AGL: variants seen among roughly 807,000 people sequenced by gnomAD.
AGL encodes glycogen debranching enzyme.
In AGL, 128 loss-of-function variants were observed where a neutral mutation model predicts 199.3. That is an observed-to-expected ratio of 0.64 (90% CI 0.56 to 0.74). AGL has a LOEUF of 0.74. AGL is among the 30% of genes least tolerant of loss of function. The pLI is 0.00. For synonymous variants in AGL, 584 were observed against 594.7 expected (o/e 0.98, Z 0.26); for missense variants, 1,809 against 1,820.8 (o/e 0.99, Z 0.12).
chr1:99,918,209 C>T (rs115924617), intron 33 of AGL, among the ~76,000 whole-genome samples: 2,063 of 152,170 alleles, frequency 0.014, 22 homozygotes, highest in Non-Finnish European at 0.019. Context: ...AAGGTGGTTA[C>T]ATTGTTTTGA....
At chr1:99,910,906 G>T in intron 28 of AGL, 59 bp downstream of exon 28, 1 of 1,545,952 alleles carries the variant, frequency 6.5e-7, no homozygotes, top group Non-Finnish European at 8.9e-7. Flanking sequence ...GCACTTACTT[G>T]TGGAATCTTT....
At chr1:99,875,828 CT>C (rs1173837526) in intron 10 of AGL, among the ~76,000 whole-genome samples, 5 of 109,850 alleles carry the variant, frequency 4.6e-5, no homozygotes, top group Non-Finnish European at 8.4e-5. Flanking sequence ...TACTTAGAGT[CT>C]TTTTTAAAAA....
chr1:99,861,091 A>G (rs1571225311), intron 2 of AGL: 2 of 753,344 alleles, frequency 2.7e-6, no homozygotes, highest in Non-Finnish European at 3.4e-6. Flanking sequence ...TTCTGACACC[A>G]TAGAGAAACT....
intron 17 of AGL, among the ~76,000 whole-genome samples, chr1:99,883,902 G>A (rs1007068548): frequency 7.2e-5 from 11 of 151,842 alleles, no homozygotes; most frequent in African/African-American, 1.9e-4. Context: ...ATTTTGATAC[G>A]TTTCTACTTC....
chr1:99,913,182 T>C (rs1654872798), intron 29 of AGL, among the ~76,000 whole-genome samples: 1 of 151,844 alleles, frequency 6.6e-6, no homozygotes. Context: ...TTCATACTAC[T>C]GCACTCCAGC....
upstream of AGL, among the ~76,000 whole-genome samples, chr1:99,849,602 T>C (rs1434360079): frequency 6.6e-6 from 1 of 152,184 alleles, no homozygotes; most frequent in Non-Finnish European, 1.5e-5. Flanking sequence ...CCTTACCTAC[T>C]GGGTCTGCAT....
chr1:99,859,363 T>G (rs1272503301), intron 2 of AGL, among the ~76,000 whole-genome samples: 8 of 151,510 alleles, frequency 5.3e-5, no homozygotes, highest in Non-Finnish European at 1.5e-5. Context: ...TGTTTTTTTT[T>G]TAATTAGGAT....
chr1:99,898,758 C>A (rs1390340619), intron 25 of AGL, among the ~76,000 whole-genome samples: 3 of 152,082 alleles, frequency 2.0e-5, no homozygotes, highest in Non-Finnish European at 4.4e-5. Context: ...GGGGAACACA[C>A]CTATTCTCCA....
At position 99,903,131 on chromosome 1, in the gene AGL, G is replaced by T. The variant is rs1653975462; in HGVS notation, c.3700+337G>T. 2.6e-5 allele frequency among the ~76,000 whole-genome samples: 4 copies of T among 151,948 alleles called. No homozygotes were observed. In the South Asian group the frequency reaches 8.3e-4, roughly 32 times the overall value. On this transcript the variant is annotated intron_variant, in intron 27 of 33. Coordinates refer to ENST00000361915, the MANE Select transcript of AGL (RefSeq NM_000642.3). ...CAAAACATTGAGAATGAGTGATATT[G>T]TTTCCATTTTTTTTAATTATTATAC...
intron 2 of AGL, among the ~76,000 whole-genome samples, chr1:99,860,675 C>T (rs1649958876): frequency 6.6e-6 from 1 of 152,192 alleles, no homozygotes; most frequent in South Asian, 2.1e-4. Context: ...GATTACAAGA[C>T]AGCTTTAGTA....
intron 27 of AGL, among the ~76,000 whole-genome samples, chr1:99,905,201 T>TG (rs941154051): frequency 4.1e-5 from 6 of 146,490 alleles, no homozygotes; most frequent in Admixed American, 1.4e-4. Flanking sequence ...CTGTGTGTGG[T>TG]GGGGGGGTGG....
chr1:99,849,889 A>C (rs924961023), upstream of AGL, among the ~76,000 whole-genome samples: 2 of 152,182 alleles, frequency 1.3e-5, no homozygotes, highest in Non-Finnish European at 2.9e-5. Flanking sequence ...CGGGATTTTA[A>C]TGTGCAACTG....
intron 2 of AGL, among the ~76,000 whole-genome samples, chr1:99,860,466 G>A (rs924702637): frequency 6.6e-5 from 10 of 151,898 alleles, no homozygotes; most frequent in South Asian, 4.1e-4. Context: ...CAGTATTTTT[G>A]TATTCTAATA....
chr1:99,906,957 A>G (rs985945334), intron 27 of AGL, among the ~76,000 whole-genome samples: 1 of 152,216 alleles, frequency 6.6e-6, no homozygotes, highest in African/African-American at 2.4e-5. Context: ...AATATTCTCC[A>G]TAATGGCTGC....
chr1:99,898,808 A>C (rs1422129107), intron 25 of AGL, among the ~76,000 whole-genome samples: 3 of 152,146 alleles, frequency 2.0e-5, no homozygotes, highest in Non-Finnish European at 2.9e-5. Context: ...AACCAACTGT[A>C]AGATTGGTTG....
chr1:99,916,871 T>G (rs1655159332), intron 33 of AGL, 140 bp downstream of exon 33: 1 of 896,160 alleles, frequency 1.1e-6, no homozygotes, highest in Admixed American at 3.0e-5. Context: ...TTCTTTAACA[T>G]GACAAATTCT....
intron 13 of AGL, 28 bp from the exon 14 acceptor site, chr1:99,880,604 T>C (rs1312881592): frequency 6.2e-7 from 1 of 1,610,888 alleles, no homozygotes; most frequent in African/African-American, 1.3e-5. Flanking sequence ...TAATGAAGAT[T>C]GTTAAAATAT....
rs761022419 is a variant in AGL, at chr1:99,881,560, A to G, written c.2177A>G (p.Asp726Gly). 30 of 1,613,908 alleles carry G rather than the reference A, an allele frequency of 1.9e-5. No individual in the cohort carries two copies. The highest frequency in any genetic ancestry group is 2.7e-5 in the African/African-American group (2 of 74,898). The change falls in exon 17 of 34, where the codon GAT becomes GGT. Residue 726 changes from aspartate to glycine, a missense_variant. Transcript: ENST00000361915. ...GFIQVYVDQV[D>G]EDIVAVTRHS... Reference sequence around the variant, plus strand: ...TCTCAGGTGTATGTGGATCAAGTTGATGAAGACATAGTGGCAGTAACAAGA... The same window carrying G: ...TCTCAGGTGTATGTGGATCAAGTTGGTGAAGACATAGTGGCAGTAACAAGA...
intron 21 of AGL, 75 bp downstream of exon 21, chr1:99,888,183 A>T: frequency 6.3e-7 from 1 of 1,581,080 alleles, no homozygotes; most frequent in Non-Finnish European, 8.6e-7. Context: ...ACAGACATAG[A>T]TATAGGCTCA....
Sources: gnomAD v4.1 joint callset for allele counts (sites outside exome capture counted in the v4.1 genomes callset) on GRCh38, gnomAD v4.1.1 for gene constraint, MANE v1.5 for transcripts, NCBI Gene and HGNC (gene_info 2026-07-23, HGNC 2026-07-21) for gene names.